Variants in MRPL13 observed in about 807,000 individuals in gnomAD.
The protein encoded by MRPL13 is large ribosomal subunit protein uL13m.
MRPL13 carries 33 observed loss-of-function variants against 29.0 expected under a neutral mutation model. The observed-to-expected ratio is 1.14, with a 90% confidence interval of 0.86 to 1.52. The LOEUF is 1.52. Among genes scored for constraint, MRPL13 ranks in the 40% most tolerant of loss-of-function variants. MRPL13 has a pLI of 0.00. For missense variants in MRPL13, 227 were observed against 216.7 expected (o/e 1.05, Z -0.30); for synonymous variants, 77 against 68.4 (o/e 1.13, Z -0.62).
chr8:120,408,062 G>A (rs909949565), intron 6 of MRPL13, among the ~76,000 whole-genome samples: 3 of 152,172 alleles, frequency 2.0e-5, no homozygotes, highest in Non-Finnish European at 2.9e-5. Context: ...GAGAGGTAAA[G>A]TAATGGTGCC....
At chr8:120,418,187 AAT>A (rs1812827203) in intron 5 of MRPL13, among the ~76,000 whole-genome samples, 1 of 152,128 alleles carries the variant, frequency 6.6e-6, no homozygotes, top group African/African-American at 2.4e-5. Context: ...TTCACTTAAC[AAT>A]ATATCCTGGA....
chr8:120,424,924 T>G (rs754351690), intron 4 of MRPL13, among the ~76,000 whole-genome samples: 4 of 152,176 alleles, frequency 2.6e-5, no homozygotes, highest in Middle Eastern at 3.4e-3. Flanking sequence ...AATACTCGAG[T>G]TAACAAAAAA....
intron 6 of MRPL13, among the ~76,000 whole-genome samples, chr8:120,413,373 C>T (rs1031387011): frequency 5.5e-4 from 83 of 151,966 alleles, no homozygotes; most frequent in African/African-American, 1.8e-3. Context: ...TGGAAGTGTA[C>T]GATGAGAACC....
chr8:120,430,220 C>T (rs1812982303), intron 3 of MRPL13, among the ~76,000 whole-genome samples: 3 of 152,120 alleles, frequency 2.0e-5, no homozygotes, highest in South Asian at 4.1e-4. Flanking sequence ...CAAGATCGTA[C>T]CACTGCACTC....
intron 6 of MRPL13, among the ~76,000 whole-genome samples, chr8:120,401,759 T>C (rs1306390233): frequency 1.3e-5 from 2 of 152,176 alleles, no homozygotes; most frequent in Non-Finnish European, 2.9e-5. Flanking sequence ...TCCCATCGTT[T>C]CATCCCAAAA....
intron 5 of MRPL13, chr8:120,415,338 C>T (rs1812791192): frequency 6.6e-6 from 1 of 152,142 alleles, no homozygotes; most frequent in Admixed American, 6.5e-5. Context: ...AGGATTATCA[C>T]ACAGTAAATT....
intron 5 of MRPL13, among the ~76,000 whole-genome samples, chr8:120,418,503 T>C (rs1178746070): frequency 6.6e-6 from 1 of 152,074 alleles, no homozygotes; most frequent in Admixed American, 6.6e-5. Flanking sequence ...AGTGTGCCTG[T>C]TTCCCCCATC....
intron 6 of MRPL13, among the ~76,000 whole-genome samples, chr8:120,411,844 T>C (rs544348100): frequency 1.1e-4 from 16 of 152,232 alleles, no homozygotes; most frequent in South Asian, 2.1e-4. Flanking sequence ...AAAATAGCTA[T>C]AGAAAAGCCC....
intron 2 of MRPL13, 137 bp downstream of exon 2, chr8:120,443,048 G>T: frequency 1.1e-6 from 1 of 909,468 alleles, no homozygotes; most frequent in Non-Finnish European, 1.5e-6. Context: ...CGCTAGTATG[G>T]TTTCAGCAAG....
At chr8:120,402,745 T>C (rs905285672) in intron 6 of MRPL13, among the ~76,000 whole-genome samples, 2 of 152,142 alleles carry the variant, frequency 1.3e-5, no homozygotes, top group African/African-American at 4.8e-5. Flanking sequence ...TTGTAATCTA[T>C]CCATCTGACA....
chr8:120,416,951 T>C (rs1219190987), intron 5 of MRPL13, among the ~76,000 whole-genome samples: 3 of 152,230 alleles, frequency 2.0e-5, no homozygotes, highest in Non-Finnish European at 2.9e-5. Flanking sequence ...TATGTAACTT[T>C]TCCCAATTCA....
intron 6 of MRPL13, among the ~76,000 whole-genome samples, chr8:120,408,768 A>C (rs993144842): frequency 6.6e-6 from 1 of 152,216 alleles, no homozygotes; most frequent in Non-Finnish European, 1.5e-5. Flanking sequence ...GGTAAAAATA[A>C]TCTTTTTCTG....
intron 2 of MRPL13, among the ~76,000 whole-genome samples, chr8:120,441,423 T>G (rs916957540): frequency 6.6e-6 from 1 of 152,066 alleles, no homozygotes; most frequent in Non-Finnish European, 1.5e-5. Flanking sequence ...CAATTTTTGG[T>G]GAGAAGAGCA....
chr8:120,437,986 T>C lies in MRPL13; in HGVS notation c.151+5199A>G, dbSNP rs562828951. On this transcript the variant is annotated intron_variant, in intron 2 of 6. Coordinates refer to ENST00000306185, the MANE Select transcript of MRPL13 (RefSeq NM_014078.6). Reference sequence around the variant, plus strand: ...TCTTAAAACACAACATATTTATAAATTGAAAATTGTTTGCAATTTAAGTTT... The same window carrying C: ...TCTTAAAACACAACATATTTATAAACTGAAAATTGTTTGCAATTTAAGTTT... Among the ~76,000 whole-genome samples the C allele has an allele frequency of 5.3e-5, 8 of 152,314 alleles. No homozygotes were observed. The South Asian group carries it at 1.4e-3, about 28-fold the overall frequency.
chr8:120,397,057 A>G (rs933655439), intron 6 of MRPL13, among the ~76,000 whole-genome samples: 2 of 152,148 alleles, frequency 1.3e-5, no homozygotes, highest in African/African-American at 4.8e-5. Flanking sequence ...TGGGAGTGGC[A>G]TGGAGCCAAA....
At chr8:120,397,576 A>G (rs971511357) in intron 6 of MRPL13, among the ~76,000 whole-genome samples, 7 of 152,160 alleles carry the variant, frequency 4.6e-5, no homozygotes, top group Admixed American at 2.0e-4. Context: ...GTCGCCCACA[A>G]TGCAACACAG....
At chr8:120,402,796 T>G (rs1812615343) in intron 6 of MRPL13, among the ~76,000 whole-genome samples, 1 of 151,868 alleles carries the variant, frequency 6.6e-6, no homozygotes, top group Non-Finnish European at 1.5e-5. Context: ...TTAGGCAAAT[T>G]TAGAAGAAAA....
At position 120,441,027 on chromosome 8, in the gene MRPL13, A is replaced by G. The variant is rs537633347; in HGVS notation, c.151+2158T>C. Among the ~76,000 whole-genome samples, 29 of 151,814 alleles carry G rather than the reference A, an allele frequency of 1.9e-4. No individual in the cohort carries two copies. The South Asian group carries it at 5.8e-3, about 30-fold the overall frequency. On this transcript the variant is annotated intron_variant, in intron 2 of 6. Transcript: ENST00000306185. ...TATGTGTGTGTGTGTGTGTGAGTGT[A>G]TATATATATGTACTTTTTTTATTTT... is the stretch of plus-strand genomic sequence containing the variant.
rs190029366 is a variant in MRPL13 at position 120,404,792 on chromosome 8, C to T, written c.516-8667G>A. Among the ~76,000 whole-genome samples, 260 of 152,298 alleles carry T rather than the reference C, an allele frequency of 1.7e-3. 5 individuals are homozygous for T. The highest frequency in any genetic ancestry group is 0.014 in the South Asian group (68 of 4,824). On this transcript the variant is annotated intron_variant, in intron 6 of 6. Transcript: ENST00000306185. ...TAGCTCAGTAACTTGGCTAAGGATA[C>T]ACAGCTAGGAGGTAGATGGCAGGGA...
Sources: gnomAD v4.1 joint callset for allele counts (sites outside exome capture counted in the v4.1 genomes callset) on GRCh38, gnomAD v4.1.1 for gene constraint, MANE v1.5 for transcripts, NCBI Gene and HGNC (gene_info 2026-07-23, HGNC 2026-07-21) for gene names.